The following EPS15 variants were observed in gnomAD, a reference collection of about 807,000 sequenced individuals.
The protein encoded by EPS15 is epidermal growth factor receptor substrate 15.
A neutral mutation model predicts 113.8 loss-of-function variants in EPS15; 72 were observed. The observed-to-expected ratio is 0.63, with a 90% CI of 0.52 to 0.77. The LOEUF is 0.77. Ranked by LOEUF, EPS15 falls within the 30% of genes least tolerant of loss-of-function variation. EPS15 has a pLI of 0.00. For missense variants in EPS15, 1,048 were observed against 1,045.8 expected, an observed-to-expected ratio of 1.00 and a Z score of -0.03; for synonymous variants, 344 against 363.4, an observed-to-expected ratio of 0.95 and a Z score of 0.61.
intron 21 of EPS15, among the ~76,000 whole-genome samples, chr1:51,375,234 C>T (rs1051623065): frequency 1.3e-5 from 2 of 150,922 alleles, no homozygotes; most frequent in Non-Finnish European, 3.0e-5. Flanking sequence ...ATCTCCTGAC[C>T]TTGTGATCCA....
chr1:51,437,873 C>T (rs756949001), intron 12 of EPS15, among the ~76,000 whole-genome samples: 19 of 152,012 alleles, frequency 1.2e-4, no homozygotes, highest in Non-Finnish European at 1.8e-4. Flanking sequence ...AAGCCACAAA[C>T]GAAATCTGTT....
intron 1 of EPS15, among the ~76,000 whole-genome samples, chr1:51,518,897 G>A (rs1348818246): frequency 1.3e-5 from 2 of 151,556 alleles, no homozygotes; most frequent in East Asian, 3.9e-4. Flanking sequence ...GCCCGGCACC[G>A]GCAGAGCGCG....
chr1:51,516,725 A>C (rs1185342876), intron 1 of EPS15, among the ~76,000 whole-genome samples: 1 of 152,212 alleles, frequency 6.6e-6, no homozygotes, highest in Non-Finnish European at 1.5e-5. Flanking sequence ...AATAGGTACT[A>C]TAAAAATATT....
chr1:51,400,904 A>C lies in EPS15; in HGVS notation c.1918+14T>G. On this transcript the variant is annotated intron_variant, in intron 19 of 24. Transcript: ENST00000371733. The stretch of plus-strand genomic sequence containing the variant: ...ATGAATGAAAGCTAAGATGAAACTC[A>C]ATAAGATACTGACCGATTTTTCCAA... 1 of 1,554,002 alleles carries C rather than the reference A, an allele frequency of 6.4e-7. No individual in the cohort carries two copies. Among genetic ancestry groups the C allele is most frequent in the South Asian group, 1.2e-5 (1 of 84,428 alleles).
intron 1 of EPS15, among the ~76,000 whole-genome samples, chr1:51,490,707 G>C (rs1220865708): frequency 6.6e-6 from 1 of 152,112 alleles, no homozygotes; most frequent in Non-Finnish European, 1.5e-5. Context: ...GGAGAGGGGA[G>C]TGGGTATGAT....
intron 1 of EPS15, 59 bp downstream of exon 1, chr1:51,519,140 G>C (rs1429286711): frequency 8.0e-7 from 1 of 1,251,464 alleles, no homozygotes. Flanking sequence ...GCGAAGCTGA[G>C]GGCGGTGGGG....
chr1:51,464,399 C>A (rs952013866), intron 6 of EPS15, among the ~76,000 whole-genome samples: 1 of 152,044 alleles, frequency 6.6e-6, no homozygotes, highest in South Asian at 2.1e-4. Flanking sequence ...GCCACCACAC[C>A]CAGCTAATTT....
chr1:51,402,572 T>TA, intron 17 of EPS15, 47 bp from the exon 18 acceptor site: 3 of 990,268 alleles, frequency 3.0e-6, no homozygotes, highest in Non-Finnish European at 4.6e-6. Flanking sequence ...ACCAAAGTTT[T>TA]AAAAGGTAAC....
rs1649069714 is a variant in EPS15, at chr1:51,405,845, G to A, written c.1677+60C>T. On this transcript the variant is annotated intron_variant, in intron 16 of 24. Transcript: ENST00000371733. ...TGTATTTATATTAGATATAATGTCA[G>A]TGAAACTTGGATCTGCACAAGGAGG... The A allele has an allele frequency of 3.6e-6, 5 of 1,388,580 alleles. No homozygotes were observed. The Admixed American group carries it at 8.4e-5, about 23-fold the overall frequency. The allele number at this position is 1,388,580 out of a possible 1,614,324, so 86.0% of individuals were successfully genotyped here.
At chr1:51,409,251 C>T (rs796518223) in intron 14 of EPS15, among the ~76,000 whole-genome samples, 36 of 152,116 alleles carry the variant, frequency 2.4e-4, no homozygotes, top group African/African-American at 7.5e-4. Flanking sequence ...GTATGGTTTT[C>T]GTAAAGAAGG....
intron 12 of EPS15, among the ~76,000 whole-genome samples, chr1:51,422,998 T>C (rs947158742): frequency 2.0e-5 from 3 of 152,164 alleles, no homozygotes; most frequent in African/African-American, 7.2e-5. Context: ...AGTGAGAAAA[T>C]TATACCAAAG....
intron 15 of EPS15, 140 bp from the exon 16 acceptor site, chr1:51,406,248 GGAGGA>G: frequency 1.5e-6 from 1 of 681,500 alleles, no homozygotes; most frequent in Non-Finnish European, 2.5e-6. Flanking sequence ...AACTGAGGCA[GGAGGA>G]CTGCTTCAGC....
At chr1:51,386,721 G>A (rs568010623) in intron 21 of EPS15, among the ~76,000 whole-genome samples, 21 of 152,332 alleles carry the variant, frequency 1.4e-4, no homozygotes, top group Admixed American at 3.3e-4. Context: ...GGGTATCAGT[G>A]ATGGAAGATG....
intron 1 of EPS15, among the ~76,000 whole-genome samples, chr1:51,490,522 G>C (rs1644212780): frequency 7.3e-6 from 1 of 136,818 alleles, no homozygotes; most frequent in South Asian, 2.3e-4. Context: ...CCGAGATCAT[G>C]CCATTGCACT....
rs145287084 is a variant in EPS15, at chr1:51,363,979, T to A, written c.2246A>T (p.Asn749Ile). 2.7e-5 allele frequency: 43 copies of A among 1,613,916 alleles called. No individual in the cohort carries two copies. In the Middle Eastern group the frequency reaches 1.8e-3, roughly 68 times the overall value. Residue 749 changes from asparagine (N) to isoleucine (I), a missense_variant, in exon 23 of 25, where the codon AAC (asparagine) becomes ATC (isoleucine). Coordinates refer to ENST00000371733, the MANE Select transcript of EPS15 (RefSeq NM_001981.3). ...AAATACATTTTTTGTAATCACTACG[T>A]TGCTGACAGAGCTCGATGTGGCTGA... ...FRSATSSSVS[N>I]VVITKNVFEE...
chr1:51,357,387 AAAAAATATATATAT>A (rs1300874270), intron 24 of EPS15, among the ~76,000 whole-genome samples: 1 of 54,928 alleles, frequency 1.8e-5, no homozygotes, highest in African/African-American at 9.6e-5. Context: ...AAAAAAAAAA[AAAAAATATATATAT>A]ATATATATAT....
At chr1:51,439,527 T>A (rs1409607738) in intron 12 of EPS15, among the ~76,000 whole-genome samples, 1 of 152,144 alleles carries the variant, frequency 6.6e-6, no homozygotes, top group Non-Finnish European at 1.5e-5. Context: ...CAGTGCCCTG[T>A]AGACAGAAAA....
intron 21 of EPS15, among the ~76,000 whole-genome samples, chr1:51,368,168 C>G (rs1260955073): frequency 1.3e-5 from 2 of 151,956 alleles, no homozygotes; most frequent in African/African-American, 4.8e-5. Flanking sequence ...GAAAAGTTAT[C>G]CTCAAACTAT....
rs549301188 is a variant in EPS15 at position 51,363,453 on chromosome 1, T to C, written c.2359+413A>G. ...ATTAAAGGATTTAAGGAAGACTTTA[T>C]ACTTTACAGGAAAAGGACTTTGAAA... On this transcript the variant is annotated intron_variant, in intron 23 of 24. Transcript: ENST00000371733. Among the ~76,000 whole-genome samples, 8 of 152,294 alleles carry C rather than the reference T, an allele frequency of 5.3e-5. No individual in the cohort carries two copies. The South Asian group carries it at 1.2e-3, about 24-fold the overall frequency.
Sources: gnomAD v4.1 joint callset for allele counts (sites outside exome capture counted in the v4.1 genomes callset) on GRCh38, gnomAD v4.1.1 for gene constraint, MANE v1.5 for transcripts, NCBI Gene and HGNC (gene_info 2026-07-23, HGNC 2026-07-21) for gene names.